The following DDAH1 variants were observed in gnomAD, a reference collection of about 807,000 sequenced individuals.
DDAH1 encodes dimethylarginine dimethylaminohydrolase 1, also known as N(G),N(G)-dimethylarginine dimethylaminohydrolase 1.
DDAH1 carries 19 observed loss-of-function variants against 28.8 expected under a neutral mutation model. That is an observed-to-expected ratio of 0.66 (90% CI 0.46 to 0.97). The LOEUF (loss-of-function observed/expected upper bound fraction) is 0.97. Ranked by LOEUF, DDAH1 falls within the 50% of genes least tolerant of loss-of-function variation. The pLI is 0.00. For missense variants in DDAH1, 326 were observed against 375.9 expected, an observed-to-expected ratio of 0.87 and a Z score of 1.10; for synonymous variants, 153 against 154.4, an observed-to-expected ratio of 0.99 and a Z score of 0.07.
intron 1 of DDAH1, among the ~76,000 whole-genome samples, chr1:85,534,942 C>T (rs2254478): frequency 2.0e-5 from 3 of 151,818 alleles, no homozygotes; most frequent in Non-Finnish European, 2.9e-5. Flanking sequence ...TGTGTATACA[C>T]GTGACCAAAA....
intron 1 of DDAH1, among the ~76,000 whole-genome samples, chr1:85,442,183 G>A (rs1049129832): frequency 5.3e-5 from 8 of 151,708 alleles, no homozygotes; most frequent in South Asian, 2.1e-4. Context: ...CCCTCCTCCC[G>A]CCACCCCACG....
chr1:85,541,980 T>A (rs751470848), intron 1 of DDAH1, among the ~76,000 whole-genome samples: 1 of 152,254 alleles, frequency 6.6e-6, no homozygotes, highest in Non-Finnish European at 1.5e-5. Flanking sequence ...ATGATATTTT[T>A]GTTATAGCAG....
intron 1 of DDAH1, among the ~76,000 whole-genome samples, chr1:85,445,452 A>C (rs975545128): frequency 1.8e-4 from 27 of 152,196 alleles, no homozygotes; most frequent in African/African-American, 6.3e-4. Context: ...AATCTTGACA[A>C]ATGTGAATCT....
At chr1:85,474,570 C>T (rs1031696575) in intron 2 of DDAH1, among the ~76,000 whole-genome samples, 2 of 152,102 alleles carry the variant, frequency 1.3e-5, no homozygotes, top group African/African-American at 4.8e-5. Context: ...AGAAGACTTC[C>T]CTGGGTCCCC....
intron 1 of DDAH1, among the ~76,000 whole-genome samples, chr1:85,413,070 C>T (rs1209287910): frequency 1.3e-4 from 20 of 152,112 alleles, no homozygotes; most frequent in Admixed American, 1.2e-3. Context: ...CAGAGAAAAA[C>T]GTAAAATAAA....
In DDAH1 at chr1:85,569,024, G is replaced by A. The variant is rs77486369; in HGVS notation, c.-123+8960C>T. Among the ~76,000 whole-genome samples, 1,418 of 152,224 alleles carry A rather than the reference G, an allele frequency of 9.3e-3. 21 individuals carry two copies. Among genetic ancestry groups the A allele is most frequent in the African/African-American group, 0.033 (1,372 of 41,528 alleles). ...GTATCCCCAAACCCTAGTATGGTAC[G>A]ATCATTTCACAAATGTGCTTTAAAA... On this transcript the variant is annotated intron_variant, in intron 1 of 6. Coordinates refer to the DDAH1 transcript ENST00000426972.
At chr1:85,392,706 C>T (rs1306932524) in intron 1 of DDAH1, among the ~76,000 whole-genome samples, 2 of 148,234 alleles carry the variant, frequency 1.3e-5, no homozygotes, top group Non-Finnish European at 3.0e-5. Context: ...GGCAGGAGAA[C>T]GGCTTGAACC....
At chr1:85,431,965 A>G (rs1209813447) in intron 1 of DDAH1, among the ~76,000 whole-genome samples, 3 of 152,198 alleles carry the variant, frequency 2.0e-5, no homozygotes, top group Non-Finnish European at 4.4e-5. Flanking sequence ...AAATGAGTAC[A>G]ATCTAATGTT....
intron 1 of DDAH1, among the ~76,000 whole-genome samples, chr1:85,391,720 A>C (rs1251915176): frequency 1.3e-5 from 2 of 152,216 alleles, no homozygotes; most frequent in Non-Finnish European, 2.9e-5. Flanking sequence ...GGCAAACAAC[A>C]ACCTAGGCTG....
At chr1:85,330,119 GGGTGCT>G (rs902448678) in intron 4 of DDAH1, among the ~76,000 whole-genome samples, 1 of 152,212 alleles carries the variant, frequency 6.6e-6, no homozygotes, top group Admixed American at 6.5e-5. Flanking sequence ...ACACAAGACA[GGGTGCT>G]GGCCATTCAG....
chr1:85,547,450 C>T (rs537274208), intron 1 of DDAH1, among the ~76,000 whole-genome samples: 1 of 152,262 alleles, frequency 6.6e-6, no homozygotes, highest in East Asian at 1.9e-4. Flanking sequence ...GTCCTGATTC[C>T]TTATTCAGTG....
intron 1 of DDAH1, among the ~76,000 whole-genome samples, chr1:85,562,132 C>A (rs965085552): frequency 4.0e-5 from 6 of 151,524 alleles, no homozygotes; most frequent in African/African-American, 1.5e-4. Context: ...CCCTAATAAT[C>A]CAAGGTAGAA....
rs543284894 is a variant in DDAH1, at chr1:85,500,161, T to C, written c.-122-3880A>G. 4.3e-3 allele frequency among the ~76,000 whole-genome samples: 288 copies of C among 66,232 alleles called. 1 individual carries two copies. Among genetic ancestry groups the C allele is most frequent in the African/African-American group, 0.01 (251 of 25,008 alleles). The allele number at this position is 66,232 out of a possible 152,430, so 43.5% of individuals were successfully genotyped here. ...TTCTTTCTTTCTTTTCTTTCTTTCT[T>C]TCTCTTTTTTCCTTCCTTCCTTCAT... On this transcript the variant is annotated intron_variant, in intron 1 of 6. Transcript: ENST00000426972.
chr1:85,545,300 C>T (rs543577194), intron 1 of DDAH1, among the ~76,000 whole-genome samples: 13 of 152,256 alleles, frequency 8.5e-5, no homozygotes, highest in African/African-American at 2.2e-4. Context: ...TAAAGCCCTG[C>T]TATTAGCAGA....
intron 1 of DDAH1, chr1:85,380,535 T>A (rs1650930836): frequency 6.6e-6 from 1 of 152,164 alleles, no homozygotes; most frequent in African/African-American, 2.4e-5. Context: ...CTGCCTTCTG[T>A]AGTCACATAT....
At chr1:85,457,471 G>A (rs1195598174) in intron 1 of DDAH1, among the ~76,000 whole-genome samples, 1 of 152,116 alleles carries the variant, frequency 6.6e-6, no homozygotes, top group Non-Finnish European at 1.5e-5. Context: ...ATCCTCAGGG[G>A]CAGTGGAAGT....
At chr1:85,564,519 C>T (rs914489317) in intron 1 of DDAH1, among the ~76,000 whole-genome samples, 2 of 152,070 alleles carry the variant, frequency 1.3e-5, no homozygotes, top group African/African-American at 4.8e-5. Flanking sequence ...CCAAGAACAC[C>T]AAGTGCAAGA....
chr1:85,464,677 ACGGCGGC>A lies in DDAH1; in HGVS notation c.303+59_303+65del, dbSNP rs954117355. ...CCAATGGCGCGACTCCCCAGGCAAC[ACGGCGGC>A]CGGCGGCGGGGGAGGGCCTGGCGCG... On this transcript the variant is annotated intron_variant, in intron 1 of 5. Coordinates refer to ENST00000284031, the MANE Select transcript of DDAH1 (RefSeq NM_012137.4). This position sits in a 1 kb window ranked among gnomAD's most constrained non-coding sequence, Gnocchi z 4.4. 21 of 1,426,550 alleles carry A rather than the reference ACGGCGGC, an allele frequency of 1.5e-5. 1 individual carries two copies. In the South Asian group the frequency reaches 2.8e-4, roughly 19 times the overall value. 88.4% of individuals were successfully genotyped at this position (1,426,550 alleles called of 1,614,324 possible).
At chr1:85,509,519 G>A (rs1657149060) in intron 1 of DDAH1, among the ~76,000 whole-genome samples, 1 of 152,122 alleles carries the variant, frequency 6.6e-6, no homozygotes, top group African/African-American at 2.4e-5. Flanking sequence ...GCTTCAGAAG[G>A]CCAGTAATAA....
Sources: allele counts gnomAD v4.1 joint callset (sites outside exome capture counted in the v4.1 genomes callset), GRCh38; gene constraint gnomAD v4.1.1; non-coding constraint Gnocchi (gnomAD v3.1); transcripts MANE v1.5; gene names NCBI Gene and HGNC (gene_info 2026-07-23, HGNC 2026-07-21).